The following NHSL3 variants were observed in gnomAD, a reference collection of about 807,000 sequenced individuals.
NHSL3 encodes NHS like 3.
chr1:32,743,506 A>C, the NHSL3 span, among the ~76,000 whole-genome samples: 1 of 152,206 alleles, frequency 6.6e-6, no homozygotes, highest in Non-Finnish European at 1.5e-5. Flanking sequence ...TGCAGTCCTA[A>C]CAGGACATGG....
the NHSL3 span, among the ~76,000 whole-genome samples, chr1:32,761,751 A>T: frequency 3.3e-5 from 5 of 152,062 alleles, no homozygotes; most frequent in Admixed American, 6.6e-5. Context: ...GCATGAATTA[A>T]TCACCCTGCA....
At chr1:32,772,177 G>C in the NHSL3 span, 3 of 1,613,420 alleles carry the variant, frequency 1.9e-6, no homozygotes, top group South Asian at 3.3e-5. Flanking sequence ...GCGGAATCTG[G>C]TGGCAGAACT....
chr1:32,765,681 T>C, the NHSL3 span: 9 of 1,538,216 alleles, frequency 5.9e-6, no homozygotes, highest in Non-Finnish European at 7.8e-6. Flanking sequence ...CGCATCCCCA[T>C]AGTGCTGGGT....
the NHSL3 span, chr1:32,770,331 G>GTCCGCTCA: frequency 6.2e-7 from 1 of 1,611,952 alleles, no homozygotes; most frequent in Non-Finnish European, 8.5e-7. This position sits in a 1 kb window ranked among gnomAD's most constrained non-coding sequence, Gnocchi z 8.3. Flanking sequence ...GCCTGCACTC[G>GTCCGCTCA]GCCAGCCCAG....
the NHSL3 span, chr1:32,754,082 C>T: frequency 3.0e-6 from 2 of 660,612 alleles, no homozygotes; most frequent in Non-Finnish European, 5.6e-6. Context: ...CCGGCTCCCG[C>T]ACCCGCAATG....
chr1:32,754,490 C>G, the NHSL3 span, among the ~76,000 whole-genome samples: 1 of 152,180 alleles, frequency 6.6e-6, no homozygotes, highest in Non-Finnish European at 1.5e-5. Context: ...AGGACGCACA[C>G]AGCCTGAGAC....
At chr1:32,750,142 C>T in the NHSL3 span, among the ~76,000 whole-genome samples, 1 of 152,176 alleles carries the variant, frequency 6.6e-6, no homozygotes, top group Non-Finnish European at 1.5e-5. Flanking sequence ...CCACCTCTAG[C>T]CCGTTGGCAG....
At chr1:32,748,311 G>T in the NHSL3 span, among the ~76,000 whole-genome samples, 2 of 152,214 alleles carry the variant, frequency 1.3e-5, no homozygotes, top group East Asian at 3.9e-4. Flanking sequence ...AAAAAGGAAG[G>T]TGGGTAAGGA....
At chr1:32,767,502 G>A in the NHSL3 span, among the ~76,000 whole-genome samples, 5 of 152,078 alleles carry the variant, frequency 3.3e-5, no homozygotes, top group African/African-American at 1.2e-4. Context: ...GTAGACCTGT[G>A]TACCTGTGTG....
chr1:32,765,774 T>TGG, the NHSL3 span: 73 of 1,547,144 alleles, frequency 4.7e-5, no homozygotes, highest in Non-Finnish European at 6.2e-5. Flanking sequence ...GCAGTCATGG[T>TGG]GGTGTTCGTT....
chr1:32,753,232 C>T, the NHSL3 span, among the ~76,000 whole-genome samples: 1 of 151,552 alleles, frequency 6.6e-6, no homozygotes, highest in Non-Finnish European at 1.5e-5. Context: ...CGCCTGTAAT[C>T]CCAGCACTTT....
chr1:32,769,729 C>G, the NHSL3 span: 1 of 1,612,522 alleles, frequency 6.2e-7, no homozygotes, highest in Non-Finnish European at 8.5e-7. Flanking sequence ...AGGGCGGCGT[C>G]GGCGGGAGCG....
At chr1:32,746,363 G>T in the NHSL3 span, among the ~76,000 whole-genome samples, 1 of 152,336 alleles carries the variant, frequency 6.6e-6, no homozygotes, top group Admixed American at 6.5e-5. Context: ...CAGATGCCAG[G>T]ATTGGAGCCC....
the NHSL3 span, among the ~76,000 whole-genome samples, chr1:32,751,892 A>G: frequency 1.3e-5 from 2 of 152,126 alleles, no homozygotes. Flanking sequence ...GCTTCTTGTG[A>G]AGGCCAAGGA....
At chr1:32,757,339 C>T in the NHSL3 span, among the ~76,000 whole-genome samples, 1 of 148,010 alleles carries the variant, frequency 6.8e-6, no homozygotes, top group Admixed American at 6.8e-5. Context: ...AGGGTGGGGG[C>T]AGGTGCAGGC....
the NHSL3 span, among the ~76,000 whole-genome samples, chr1:32,766,609 C>T: frequency 1.3e-5 from 2 of 152,114 alleles, no homozygotes; most frequent in Non-Finnish European, 2.9e-5. Context: ...TGGCTGTTGA[C>T]GAATGGGCTG....
chr1:32,748,268 C>T, the NHSL3 span, among the ~76,000 whole-genome samples: 1 of 152,038 alleles, frequency 6.6e-6, no homozygotes, highest in Non-Finnish European at 1.5e-5. Flanking sequence ...GACGGGAGTT[C>T]AACTGGGCAA....
the NHSL3 span, chr1:32,771,996 C>T: frequency 6.2e-7 from 1 of 1,603,368 alleles, no homozygotes; most frequent in Non-Finnish European, 8.5e-7. Context: ...TCAAGGCCTG[C>T]AGCCTGGCCG....
At chr1:32,770,688 G>T in the NHSL3 span, 2 of 1,537,084 alleles carry the variant, frequency 1.3e-6, no homozygotes, top group South Asian at 2.5e-5. The surrounding 1 kb of genome is among the most constrained non-coding windows in gnomAD (Gnocchi z 8.3). Flanking sequence ...CTCCCCGCCG[G>T]ACCCACTCCC....
Sources: gnomAD v4.1 joint callset for allele counts (sites outside exome capture counted in the v4.1 genomes callset) on GRCh38, gnomAD v4.1.1 for gene constraint, Gnocchi (gnomAD v3.1) non-coding constraint, MANE v1.5 for transcripts, NCBI Gene and HGNC (gene_info 2026-07-23, HGNC 2026-07-21) for gene names.